Variants in PRKACB observed in about 807,000 individuals in gnomAD.
The protein encoded by PRKACB is cAMP-dependent protein kinase catalytic subunit beta.
PRKACB carries 16 observed loss-of-function variants against 51.4 expected under a neutral mutation model. The ratio of observed to expected loss-of-function variants is 0.31; its 90% CI spans 0.21 to 0.47. The LOEUF is 0.47. Ranked by LOEUF, PRKACB falls within the 20% of genes least tolerant of loss-of-function variation. The pLI is 1.00. For missense variants in PRKACB, 309 were observed against 464.5 expected, an observed-to-expected ratio of 0.67 and a Z score of 3.08; for synonymous variants, 147 against 154.4, an observed-to-expected ratio of 0.95 and a Z score of 0.35.
chr1:84,226,968 G>C (rs1048805908), intron 9 of PRKACB, among the ~76,000 whole-genome samples: 1 of 152,086 alleles, frequency 6.6e-6, no homozygotes, highest in East Asian at 1.9e-4. Context: ...ATGTTAGTGT[G>C]ATGAATTATA....
intron 1 of PRKACB, among the ~76,000 whole-genome samples, chr1:84,159,172 A>G (rs982014238): frequency 6.6e-6 from 1 of 152,128 alleles, no homozygotes; most frequent in African/African-American, 2.4e-5. Context: ...GTTTCTAAAG[A>G]AAAGCTTTAT....
chr1:84,226,344 G>C (rs1187046297), intron 9 of PRKACB, among the ~76,000 whole-genome samples: 1 of 149,784 alleles, frequency 6.7e-6, no homozygotes, highest in Non-Finnish European at 1.5e-5. Flanking sequence ...TATTAGGAGA[G>C]AACCTGAATC....
At chr1:84,160,002 T>C (rs1655986883) in intron 1 of PRKACB, among the ~76,000 whole-genome samples, 1 of 152,140 alleles carries the variant, frequency 6.6e-6, no homozygotes, top group African/African-American at 2.4e-5. Context: ...AAAAGGTTTT[T>C]GCATCAATGT....
At chr1:84,206,489 A>C (rs974763604) in intron 8 of PRKACB, among the ~76,000 whole-genome samples, 1 of 152,304 alleles carries the variant, frequency 6.6e-6, no homozygotes, top group East Asian at 1.9e-4. Flanking sequence ...TGAAGATAGC[A>C]AAAGTCCAGA....
intron 8 of PRKACB, among the ~76,000 whole-genome samples, chr1:84,208,642 G>A (rs1024581400): frequency 3.9e-5 from 6 of 152,196 alleles, no homozygotes; most frequent in South Asian, 2.1e-4. Flanking sequence ...TGTCTTCTAC[G>A]TTCTTTCTTT....
chr1:84,205,896 T>C (rs1208730685), intron 8 of PRKACB, among the ~76,000 whole-genome samples: 4 of 152,126 alleles, frequency 2.6e-5, no homozygotes, highest in African/African-American at 9.7e-5. Flanking sequence ...AAAGAAAAGA[T>C]TTATGATTCC....
Position 84,235,168 on chromosome 1 carries a change from T to C in PRKACB, c.1072-12T>C, listed in dbSNP as rs1189809686. The stretch of plus-strand genomic sequence containing the variant: ...TTCCTTTTTCTTATTTTTCTCTCCC[T>C]CTCAATTATAGGTTGAAGCTCCATT... On this transcript the variant is annotated splice_polypyrimidine_tract_variant and intron_variant, in intron 9 of 9. Transcript: ENST00000370685. 6.3e-7 allele frequency: 1 copy of C among 1,582,910 alleles called. No individual in the cohort carries two copies. Among genetic ancestry groups the C allele is most frequent in the Non-Finnish European group, 8.5e-7 (1 of 1,169,850 alleles).
chr1:84,128,544 A>G (rs952021901), intron 1 of PRKACB, among the ~76,000 whole-genome samples: 1 of 152,204 alleles, frequency 6.6e-6, no homozygotes, highest in African/African-American at 2.4e-5. Context: ...ATTTGAAAAA[A>G]TATGATATTG....
intron 1 of PRKACB, among the ~76,000 whole-genome samples, chr1:84,150,455 A>G (rs545883240): frequency 2.0e-5 from 3 of 151,776 alleles, no homozygotes; most frequent in Admixed American, 1.3e-4. Context: ...TCCAAATCTC[A>G]TGTTGGAATG....
intron 1 of PRKACB, among the ~76,000 whole-genome samples, chr1:84,078,538 G>A (rs1336956199): frequency 6.6e-6 from 1 of 152,190 alleles, no homozygotes; most frequent in Non-Finnish European, 1.5e-5. Context: ...CCTCCATTCC[G>A]ACCCCCCAGC....
At chr1:84,127,719 G>C (rs1241000110) in intron 1 of PRKACB, among the ~76,000 whole-genome samples, 2 of 151,852 alleles carry the variant, frequency 1.3e-5, no homozygotes, top group African/African-American at 4.8e-5. Context: ...CTTTTGAAAT[G>C]TTATTTTGCT....
intron 1 of PRKACB, among the ~76,000 whole-genome samples, chr1:84,178,449 A>C (rs577423514): frequency 6.6e-6 from 1 of 152,056 alleles, no homozygotes; most frequent in African/African-American, 2.4e-5. Context: ...CCATAGCTCT[A>C]TAAAATAATG....
intron 9 of PRKACB, among the ~76,000 whole-genome samples, chr1:84,226,018 A>AT (rs1468140516): frequency 2.0e-5 from 3 of 152,022 alleles, no homozygotes; most frequent in South Asian, 2.1e-4. Context: ...CCTGACCTTT[A>AT]TTTTTTAGGA....
chr1:84,093,807 G>C (rs917813305), intron 1 of PRKACB, among the ~76,000 whole-genome samples: 2 of 151,678 alleles, frequency 1.3e-5, no homozygotes, highest in African/African-American at 4.8e-5. Flanking sequence ...GTAATATGCT[G>C]TTTAAATTTT....
At chr1:84,199,132 T>TACATATATATATATATAC (rs1669305029) in intron 7 of PRKACB, among the ~76,000 whole-genome samples, 2 of 147,298 alleles carry the variant, frequency 1.4e-5, no homozygotes, top group Non-Finnish European at 3.0e-5. Context: ...TATATATATA[T>TACATATATATATATATAC]ACACACACAT....
At chr1:84,217,663 C>G (rs114159516) in intron 9 of PRKACB, among the ~76,000 whole-genome samples, 2,226 of 152,186 alleles carry the variant, frequency 0.015, 59 homozygotes, top group African/African-American at 0.05. Context: ...GGTGTGGTAA[C>G]ACACACTTGG....
At chr1:84,180,027 T>C (rs951680678) in intron 2 of PRKACB, among the ~76,000 whole-genome samples, 1 of 131,884 alleles carries the variant, frequency 7.6e-6, no homozygotes, top group East Asian at 2.1e-4. Context: ...CTCCCACTTA[T>C]GAGTGAGAAC....
At chr1:84,080,152 G>C (rs1216238999) in intron 1 of PRKACB, among the ~76,000 whole-genome samples, 1 of 151,946 alleles carries the variant, frequency 6.6e-6, no homozygotes, top group East Asian at 1.9e-4. Flanking sequence ...GATTATATTA[G>C]TAGTTTTCAT....
intron 5 of PRKACB, among the ~76,000 whole-genome samples, chr1:84,194,292 T>C (rs1667600446): frequency 6.6e-6 from 1 of 152,234 alleles, no homozygotes; most frequent in Non-Finnish European, 1.5e-5. Context: ...ATTGACTCTT[T>C]AATACTTGAC....
Sources: allele counts gnomAD v4.1 joint callset (sites outside exome capture counted in the v4.1 genomes callset), GRCh38; gene constraint gnomAD v4.1.1; transcripts MANE v1.5; gene names NCBI Gene and HGNC (gene_info 2026-07-23, HGNC 2026-07-21).